Variants in ADAT2 observed in about 807,000 individuals in gnomAD.
The protein encoded by ADAT2 is adenosine deaminase tRNA specific 2.
ADAT2 carries 26 observed loss-of-function variants against 25.9 expected under a neutral mutation model. That is an observed-to-expected ratio of 1.00 (90% CI 0.74 to 1.39). The LOEUF (loss-of-function observed/expected upper bound fraction) is 1.39, where lower values mean the gene tolerates loss of function less well. ADAT2 is among the 40% of genes most tolerant of loss of function. ADAT2 has a pLI of 0.00. For synonymous variants in ADAT2, 76 were observed against 86.8 expected, an observed-to-expected ratio of 0.88 and a Z score of 0.69; for missense variants, 220 against 244.8, an observed-to-expected ratio of 0.90 and a Z score of 0.68.
intron 1 of ADAT2, among the ~76,000 whole-genome samples, chr6:143,445,920 T>C (rs764191680): frequency 6.6e-6 from 1 of 152,156 alleles, no homozygotes; most frequent in African/African-American, 2.4e-5. Flanking sequence ...AAATGCACAC[T>C]ATAAAAAAAT....
At position 143,428,086 on chromosome 6, in the gene ADAT2, G is replaced by A. The variant is rs962458704; in HGVS notation, c.*377C>T. ...CAGTCCTGGAGAAGGTGTTCTCAGG[G>A]TGGCAAACTGCAGTCCAAACACACT... is the stretch of plus-strand genomic sequence containing the variant. On this transcript the variant is annotated 3_prime_UTR_variant, in exon 6 of 6. Coordinates refer to ENST00000237283, the MANE Select transcript of ADAT2 (RefSeq NM_182503.3). This position sits in a 1 kb window ranked among gnomAD's most constrained non-coding sequence, Gnocchi z 5.0. 5.0e-6 allele frequency: 1 copy of A among 198,592 alleles called. No individual in the cohort carries two copies. The highest frequency in any genetic ancestry group is 5.2e-5 in the Admixed American group (1 of 19,060). The allele number at this position is 198,592 out of a possible 1,614,324, so 12.3% of individuals were successfully genotyped here. A position where few individuals can be genotyped will look rare whatever the true frequency, so the allele number is the denominator to read the frequency against.
chr6:143,441,009 G>T (rs1779442357), intron 1 of ADAT2, among the ~76,000 whole-genome samples: 1 of 152,156 alleles, frequency 6.6e-6, no homozygotes, highest in Non-Finnish European at 1.5e-5. Flanking sequence ...CTGCACTGCT[G>T]GCTTTGAAGA....
chr6:143,438,581 C>T lies in ADAT2; in HGVS notation c.201+9G>A, dbSNP rs766732432. 7 of 1,599,864 alleles carry T rather than the reference C, an allele frequency of 4.4e-6. No homozygotes were observed. In the South Asian group the frequency reaches 7.7e-5, roughly 18 times the overall value. On this transcript the variant is annotated intron_variant, in intron 2 of 5. Coordinates refer to ENST00000237283, the MANE Select transcript of ADAT2 (RefSeq NM_182503.3). ...GTATGTTTGCAATTATACTGCTCAA[C>T]TCACATACATTTTTGGTTTGGTTAA...
At position 143,436,792 on chromosome 6, in the gene ADAT2, TG is replaced by T; in HGVS notation, c.201+1797del. On this transcript the variant is annotated intron_variant, in intron 2 of 5. Coordinates refer to ENST00000237283, the MANE Select transcript of ADAT2 (RefSeq NM_182503.3). This position sits in a 1 kb window ranked among gnomAD's most constrained non-coding sequence, Gnocchi z 4.1. ...ATGTGTTCTGTGATAGTCATGTCTG[TG>T]TGGGCACTTGCTGTTCTTGCTGTGT... 6.5e-6 allele frequency: 1 copy of T among 153,606 alleles called. No individual in the cohort carries two copies. The highest frequency in any genetic ancestry group is 1.9e-4 in the East Asian group (1 of 5,234). 9.5% of individuals were successfully genotyped at this position (153,606 alleles called of 1,614,324 possible).
rs9321904 is a variant in ADAT2, at chr6:143,424,119, T to TCA, written c.*4342_*4343dup. 0.26 allele frequency: 40,189 copies of TCA among 152,044 alleles called. 5,603 individuals carry two copies. The highest frequency in any genetic ancestry group is 0.34 in the African/African-American group (13,910 of 41,488). The allele number at this position is 152,044 out of a possible 1,614,324, so 9.4% of individuals were successfully genotyped here. ...AAAGATGTCAAACTTTCAGCAGAAC[T>TCA]CACCAGTCTAATCCATAAAAATCAC... On this transcript the variant is annotated 3_prime_UTR_variant, in exon 6 of 6. Coordinates refer to ENST00000237283, the MANE Select transcript of ADAT2 (RefSeq NM_182503.3). The surrounding 1 kb of genome is among the most constrained non-coding windows in gnomAD (Gnocchi z 4.8).
Position 143,434,100 on chromosome 6 carries a change from T to C in ADAT2, c.202-119A>G. ...TCCTTTCTGCCAATATTTTAATGAA[T>C]ACAGTTTCAAGACACCCTTAGCAGT... On this transcript the variant is annotated intron_variant, in intron 2 of 5. Transcript: ENST00000237283. The surrounding 1 kb of genome is among the most constrained non-coding windows in gnomAD (Gnocchi z 4.5). 1 of 1,304,602 alleles carries C rather than the reference T, an allele frequency of 7.7e-7. No individual in the cohort carries two copies. The highest frequency in any genetic ancestry group is 1.1e-6 in the Non-Finnish European group (1 of 941,712). 80.8% of individuals were successfully genotyped at this position (1,304,602 alleles called of 1,614,324 possible). A position where few individuals can be genotyped will look rare whatever the true frequency, so the allele number is the denominator to read the frequency against.
At chr6:143,438,863 T>C (rs1393652940) in intron 1 of ADAT2, among the ~76,000 whole-genome samples, 169 bp from the exon 2 acceptor site, 2 of 152,164 alleles carry the variant, frequency 1.3e-5, no homozygotes, top group Non-Finnish European at 1.5e-5. Context: ...AGTGCCCGTG[T>C]TCTGTGTTGT....
rs555666535 is a variant in ADAT2 at position 143,445,628 on chromosome 6, T to C, written c.96+4935A>G. Among the ~76,000 whole-genome samples the C allele has an allele frequency of 4.6e-5, 7 of 152,300 alleles. No homozygotes were observed. The South Asian group carries it at 1.5e-3, about 32-fold the overall frequency. On this transcript the variant is annotated intron_variant, in intron 1 of 5. Transcript: ENST00000237283. The stretch of plus-strand genomic sequence containing the variant: ...CTGTTATCTGACAGCACTTTATATC[T>C]GTCTCTTGTGGTCTTTGGACATGTT...
In ADAT2 at chr6:143,442,173, T is replaced by A. The variant is rs895157525; in HGVS notation, c.97-3479A>T. 1.3e-5 allele frequency among the ~76,000 whole-genome samples: 2 copies of A among 152,136 alleles called. No homozygotes were observed. The highest frequency in any genetic ancestry group is 2.9e-5 in the Non-Finnish European group (2 of 68,016). ...AACAACTCAAATGCCCTTCAGTGGG[T>A]GAACTGCTAAACAAACTATGGTACA... On this transcript the variant is annotated intron_variant, in intron 1 of 5. Transcript: ENST00000237283. This position sits in a 1 kb window ranked among gnomAD's most constrained non-coding sequence, Gnocchi z 4.6.
intron 1 of ADAT2, among the ~76,000 whole-genome samples, chr6:143,439,124 A>C (rs1779381318): frequency 6.6e-6 from 1 of 152,152 alleles, no homozygotes; most frequent in South Asian, 2.1e-4. Context: ...AATTATAGAA[A>C]TTATCCTCTA....
Position 143,434,272 on chromosome 6 carries a change from T to C in ADAT2, c.202-291A>G, listed in dbSNP as rs1034124121. 6.6e-6 allele frequency among the ~76,000 whole-genome samples: 1 copy of C among 152,094 alleles called. No homozygotes were observed. The highest frequency in any genetic ancestry group is 2.4e-5 in the African/African-American group (1 of 41,420). On this transcript the variant is annotated intron_variant, in intron 2 of 5. Transcript: ENST00000237283. This position sits in a 1 kb window ranked among gnomAD's most constrained non-coding sequence, Gnocchi z 4.5. ...TTCAATTAAAATGCCATGGAGAAGGTAAGTCTAAAAAACAAAGAAAAAAAG... is the reference window on the plus strand; with the variant it reads ...TTCAATTAAAATGCCATGGAGAAGGCAAGTCTAAAAAACAAAGAAAAAAAG...
intron 4 of ADAT2, among the ~76,000 whole-genome samples, chr6:143,431,417 A>T (rs2128739237): frequency 6.6e-6 from 1 of 152,360 alleles, no homozygotes; most frequent in South Asian, 2.1e-4. Context: ...GGAGTCAGCA[A>T]TTCATTTGCA....
At chr6:143,447,858 A>C (rs2051077322) in intron 1 of ADAT2, among the ~76,000 whole-genome samples, 1 of 152,154 alleles carries the variant, frequency 6.6e-6, no homozygotes, top group South Asian at 2.1e-4. Context: ...AGGATCTAAA[A>C]CTAGAAATGC....
rs1424577987 is a variant in ADAT2 at position 143,440,447 on chromosome 6, G to T, written c.97-1753C>A. 6.6e-6 allele frequency among the ~76,000 whole-genome samples: 1 copy of T among 152,148 alleles called. No homozygotes were observed. Among genetic ancestry groups the T allele is most frequent in the Non-Finnish European group, 1.5e-5 (1 of 68,028 alleles). On this transcript the variant is annotated intron_variant, in intron 1 of 5. Transcript: ENST00000237283. The surrounding 1 kb of genome is among the most constrained non-coding windows in gnomAD (Gnocchi z 4.5). ...ACTTATTCTTCATTTGGCCATTAGA[G>T]GAAAAAGGAGACGCCCACAGCAGGA...
chr6:143,428,553 T>G lies in ADAT2; in HGVS notation c.533-47A>C. On this transcript the variant is annotated intron_variant, in intron 5 of 5. Transcript: ENST00000237283. This position sits in a 1 kb window ranked among gnomAD's most constrained non-coding sequence, Gnocchi z 5.0. ...AAAAGAAAATGAAGAGGTAAGCTCA[T>G]AGCAGATTCTCTTTGTATGGATTTA... The G allele has an allele frequency of 6.2e-7, 1 of 1,612,430 alleles. No individual in the cohort carries two copies. Among genetic ancestry groups the G allele is most frequent in the Non-Finnish European group, 8.5e-7 (1 of 1,178,692 alleles).
Position 143,426,743 on chromosome 6 carries a change from A to C in ADAT2, c.*1720T>G, listed in dbSNP as rs1199302991. The C allele has an allele frequency of 1.3e-5, 2 of 152,090 alleles. No individual in the cohort carries two copies. The highest frequency in any genetic ancestry group is 2.9e-5 in the Non-Finnish European group (2 of 68,030). 9.4% of individuals were successfully genotyped at this position (152,090 alleles called of 1,614,324 possible). Reference sequence around the variant, plus strand: ...AGTCTTCTTATTCACTTTTCCCCAAATTTCAATCAGTAATTTCATTTAGCA... The same window carrying C: ...AGTCTTCTTATTCACTTTTCCCCAACTTTCAATCAGTAATTTCATTTAGCA... On this transcript the variant is annotated 3_prime_UTR_variant, in exon 6 of 6. Transcript: ENST00000237283. This position sits in a 1 kb window ranked among gnomAD's most constrained non-coding sequence, Gnocchi z 4.1.
rs1325549063 is a variant in ADAT2, at chr6:143,423,707, A to C, written c.*4756T>G. ...GATTAGGAAATTACTAAGAGGAGAT[A>C]TCAAGAGTAGAGTTCTTGCAAAATG... On this transcript the variant is annotated 3_prime_UTR_variant, in exon 6 of 6. Transcript: ENST00000237283. 6.6e-6 allele frequency: 1 copy of C among 152,222 alleles called. No homozygotes were observed. The highest frequency in any genetic ancestry group is 1.5e-5 in the Non-Finnish European group (1 of 68,054). The allele number at this position is 152,222 out of a possible 1,614,324, so 9.4% of individuals were successfully genotyped here.
chr6:143,431,110 A>G (rs1448974758), intron 4 of ADAT2, among the ~76,000 whole-genome samples: 1 of 152,224 alleles, frequency 6.6e-6, no homozygotes, highest in Non-Finnish European at 1.5e-5. Context: ...TTCTCCTTAG[A>G]ATCTAAAAGC....
At chr6:143,433,327 C>T (rs1779172451) in intron 3 of ADAT2, among the ~76,000 whole-genome samples, 1 of 152,158 alleles carries the variant, frequency 6.6e-6, no homozygotes, top group African/African-American at 2.4e-5. Flanking sequence ...AGAGCTGTAA[C>T]TTTACTCATT....
Sources: gnomAD v4.1 joint callset for allele counts (sites outside exome capture counted in the v4.1 genomes callset) on GRCh38, gnomAD v4.1.1 for gene constraint, Gnocchi (gnomAD v3.1) non-coding constraint, MANE v1.5 for transcripts, NCBI Gene and HGNC (gene_info 2026-07-23, HGNC 2026-07-21) for gene names.